CUX1: variants seen among roughly 807,000 people sequenced by gnomAD.
CUX1 encodes the protein protein CASP.
A neutral mutation model predicts 158.8 loss-of-function variants in CUX1; 31 were observed. The observed-to-expected ratio is 0.20, with a 90% CI of 0.15 to 0.26. The LOEUF (loss-of-function observed/expected upper bound fraction) is 0.26, where lower values mean the gene tolerates loss of function less well. CUX1 is among the 10% of genes least tolerant of loss of function. The pLI, the probability that CUX1 is intolerant of heterozygous loss-of-function variation, is 1.00. For missense variants in CUX1, 1,589 were observed against 2,014.6 expected (o/e 0.79, Z 4.04); for synonymous variants, 879 against 862.1 (o/e 1.02, Z -0.34).
intron 1 of CUX1, among the ~76,000 whole-genome samples, chr7:101,852,266 C>T (rs1322867207): frequency 6.6e-6 from 1 of 152,100 alleles, no homozygotes; most frequent in Non-Finnish European, 1.5e-5. Flanking sequence ...TTTTTATGGT[C>T]TGTTCTTTCA....
chr7:101,820,095 C>T (rs1472177202), intron 1 of CUX1, among the ~76,000 whole-genome samples: 1 of 152,196 alleles, frequency 6.6e-6, no homozygotes, highest in Non-Finnish European at 1.5e-5. Flanking sequence ...AGTTTGTGCT[C>T]TCTGATTCCC....
At chr7:101,892,736 C>G (rs1344505819) in intron 1 of CUX1, among the ~76,000 whole-genome samples, 1 of 151,992 alleles carries the variant, frequency 6.6e-6, no homozygotes, top group East Asian at 1.9e-4. Flanking sequence ...TGAGCTAGGT[C>G]TATTTTTGTT....
intron 1 of CUX1, among the ~76,000 whole-genome samples, chr7:101,891,704 A>G (rs1033605946): frequency 6.6e-6 from 1 of 152,160 alleles, no homozygotes; most frequent in Non-Finnish European, 1.5e-5. Flanking sequence ...GGCCAGGGAG[A>G]ATAGGGAAGG....
intron 3 of CUX1, among the ~76,000 whole-genome samples, chr7:102,030,813 G>T (rs1330629373): frequency 6.7e-6 from 1 of 149,268 alleles, no homozygotes; most frequent in Non-Finnish European, 1.5e-5. Context: ...GCACTCCCCT[G>T]CCCCCACCGC....
chr7:102,021,510 G>A (rs920966271), intron 2 of CUX1, among the ~76,000 whole-genome samples: 2 of 151,556 alleles, frequency 1.3e-5, no homozygotes, highest in South Asian at 2.1e-4. Flanking sequence ...ATTTCACCAC[G>A]TTGCCCAAGC....
chr7:102,176,603 C>T (rs1554512084), intron 10 of CUX1, among the ~76,000 whole-genome samples: 1 of 123,192 alleles, frequency 8.1e-6, no homozygotes, highest in Non-Finnish European at 1.6e-5. Context: ...CACAGAGTCG[C>T]TCTGTCACCC....
At chr7:102,013,057 ATAGCTAGGTACT>A (rs1320855901) in intron 2 of CUX1, among the ~76,000 whole-genome samples, 1 of 151,938 alleles carries the variant, frequency 6.6e-6, no homozygotes, top group Non-Finnish European at 1.5e-5. Flanking sequence ...AAGAATGTAA[ATAGCTAGGTACT>A]TTGATCTACC....
At chr7:101,969,413 A>G (rs1291704372) in intron 2 of CUX1, among the ~76,000 whole-genome samples, 1 of 151,512 alleles carries the variant, frequency 6.6e-6, no homozygotes, top group Non-Finnish European at 1.5e-5. Context: ...TGTACTGTAA[A>G]GAGAAAAACC....
At chr7:101,881,018 A>AGTTTGAT (rs1193262033) in intron 1 of CUX1, among the ~76,000 whole-genome samples, 1 of 152,176 alleles carries the variant, frequency 6.6e-6, no homozygotes, top group Non-Finnish European at 1.5e-5. Context: ...AGCCCCCCGC[A>AGTTTGAT]GTTTGATGTT....
chr7:102,060,911 CTTTTTTT>C (rs1039443388), intron 3 of CUX1, among the ~76,000 whole-genome samples: 4 of 79,488 alleles, frequency 5.0e-5, no homozygotes, highest in Admixed American at 2.8e-4. Flanking sequence ...CGCGCCTGGC[CTTTTTTT>C]TTTTTTTTTT....
chr7:101,985,212 G>C lies in CUX1; in HGVS notation c.142-42886G>C, dbSNP rs370946278. Among the ~76,000 whole-genome samples, 24 of 152,258 alleles carry C rather than the reference G, an allele frequency of 1.6e-4. 1 individual carries two copies. In the East Asian group the frequency reaches 4.4e-3, roughly 28 times the overall value. On this transcript the variant is annotated intron_variant, in intron 2 of 23. Transcript: ENST00000292535. ...GTAACAAATTGCTATGTGTATACACGCTATAGTCTTGGCTTTCAGATACTT... is the reference window on the plus strand; with the variant it reads ...GTAACAAATTGCTATGTGTATACACCCTATAGTCTTGGCTTTCAGATACTT...
intron 1 of CUX1, chr7:101,824,608 C>T (rs1037216421): frequency 2.0e-5 from 3 of 152,216 alleles, no homozygotes; most frequent in Admixed American, 1.3e-4. Context: ...AGGGAAGGGC[C>T]GGCTTGGAGC....
At chr7:102,175,123 G>A (rs1554511454) in intron 10 of CUX1, among the ~76,000 whole-genome samples, 2 of 152,302 alleles carry the variant, frequency 1.3e-5, no homozygotes, top group African/African-American at 4.8e-5. Flanking sequence ...GAGTTGGCCA[G>A]TGTGGCCGAG....
intron 1 of CUX1, among the ~76,000 whole-genome samples, chr7:101,853,519 G>A (rs1796484435): frequency 6.6e-6 from 1 of 151,920 alleles, no homozygotes; most frequent in Non-Finnish European, 1.5e-5. Flanking sequence ...CCCAGTTAGA[G>A]GTTTCCTCAA....
At chr7:101,854,613 G>A (rs963070092) in intron 1 of CUX1, among the ~76,000 whole-genome samples, 7 of 152,182 alleles carry the variant, frequency 4.6e-5, no homozygotes, top group South Asian at 2.1e-4. Flanking sequence ...TGCCTCCTCC[G>A]ATTGCTGGAG....
chr7:101,835,626 A>T (rs1049549416), intron 1 of CUX1, among the ~76,000 whole-genome samples: 2 of 152,064 alleles, frequency 1.3e-5, no homozygotes, highest in African/African-American at 4.8e-5. Flanking sequence ...AGATGTTTTG[A>T]TACAGGCATG....
chr7:102,060,803 G>A (rs1425798679), intron 3 of CUX1, among the ~76,000 whole-genome samples: 8 of 151,356 alleles, frequency 5.3e-5, no homozygotes, highest in Admixed American at 4.6e-4. Context: ...TAGTAGAGAT[G>A]GGGTTTCACC....
chr7:101,959,819 C>A (rs1402028173), intron 2 of CUX1, among the ~76,000 whole-genome samples: 2 of 152,008 alleles, frequency 1.3e-5, no homozygotes, highest in African/African-American at 4.8e-5. Context: ...CGTACATATT[C>A]TCTGTTTGGA....
At chr7:101,885,279 T>TC (rs1800112068) in intron 1 of CUX1, among the ~76,000 whole-genome samples, 3 of 151,664 alleles carry the variant, frequency 2.0e-5, no homozygotes, top group Non-Finnish European at 2.9e-5. Context: ...AGTGCCCAGA[T>TC]TCCCCCCTAC....
Sources: gnomAD v4.1 joint callset for allele counts (sites outside exome capture counted in the v4.1 genomes callset) on GRCh38, gnomAD v4.1.1 for gene constraint, MANE v1.5 for transcripts, NCBI Gene and HGNC (gene_info 2026-07-23, HGNC 2026-07-21) for gene names.